PYROXD2: variants seen among roughly 807,000 people sequenced by gnomAD.
PYROXD2 encodes the protein pyridine nucleotide-disulfide oxidoreductase domain-containing protein 2.
In PYROXD2, 69 loss-of-function variants were observed where a neutral mutation model predicts 71.1. The ratio of observed to expected loss-of-function variants is 0.97; its 90% confidence interval spans 0.80 to 1.19. PYROXD2 has a LOEUF of 1.19. Ranked by LOEUF, PYROXD2 falls within the 50% of genes most tolerant of loss-of-function variation. The probability of loss-of-function intolerance (pLI) is 0.00; values close to 1 mark genes in which losing one functional copy is unlikely to be tolerated. For missense variants in PYROXD2, 745 were observed against 748.9 expected (o/e 0.99, Z 0.06); for synonymous variants, 287 against 302.7 (o/e 0.95, Z 0.54).
chr10:98,393,209 C>T (rs1035579408), intron 8 of PYROXD2, 126 bp from the exon 9 acceptor site: 9 of 746,042 alleles, frequency 1.2e-5, no homozygotes, highest in East Asian at 1.1e-4. Flanking sequence ...CCTCTCCCAG[C>T]AGCCTTCAAT....
At chr10:98,404,412 A>G (rs1421729240) in intron 4 of PYROXD2, among the ~76,000 whole-genome samples, 1 of 152,202 alleles carries the variant, frequency 6.6e-6, no homozygotes, top group East Asian at 1.9e-4. Context: ...TGCCCAATTA[A>G]ACTCTATTAA....
intron 4 of PYROXD2, among the ~76,000 whole-genome samples, chr10:98,403,691 C>T (rs905263011): frequency 3.3e-5 from 5 of 152,194 alleles, no homozygotes; most frequent in African/African-American, 1.2e-4. Flanking sequence ...TCAAATGTCA[C>T]CTCCTTGAGG....
chr10:98,406,087 C>T (rs1374603030), intron 4 of PYROXD2, among the ~76,000 whole-genome samples: 1 of 152,158 alleles, frequency 6.6e-6, no homozygotes, highest in Non-Finnish European at 1.5e-5. Context: ...AAACAAGGTG[C>T]TCCAGATGGG....
intron 1 of PYROXD2, among the ~76,000 whole-genome samples, chr10:98,413,587 G>A (rs1044773753): frequency 3.9e-5 from 6 of 151,936 alleles, no homozygotes; most frequent in African/African-American, 1.5e-4. Context: ...GGTGGTGGGC[G>A]CCTGTAGTCC....
intron 1 of PYROXD2, among the ~76,000 whole-genome samples, chr10:98,412,394 G>A (rs1843817101): frequency 1.3e-5 from 2 of 152,162 alleles, no homozygotes; most frequent in Non-Finnish European, 2.9e-5. Context: ...GGGCCCCATA[G>A]CAGGCGCCTG....
intron 8 of PYROXD2, among the ~76,000 whole-genome samples, chr10:98,394,294 C>T (rs1453817413): frequency 5.9e-5 from 9 of 152,140 alleles, no homozygotes; most frequent in Admixed American, 2.0e-4. Context: ...GGGCAGGAGG[C>T]CCCAGCTGGA....
intron 4 of PYROXD2, among the ~76,000 whole-genome samples, chr10:98,400,579 CCAT>C (rs779108909): frequency 1.3e-5 from 2 of 151,862 alleles, no homozygotes; most frequent in Non-Finnish European, 2.9e-5. Context: ...ACCACACACA[CCAT>C]GTCATACCAC....
In PYROXD2 at chr10:98,392,981, G is replaced by C. The variant is rs752123590; in HGVS notation, c.888C>G (p.Ser296Arg). ...GMGALSDAIA[S>R]SATTHGASIF... is the part of the protein sequence containing the mutation. ...TGCTTGCTCCATGTGTGGTGGCTGA[G>C]CTTGCGATCGCATCAGAGAGGGCAC... Residue 296 changes from serine (S) to arginine (R), a missense_variant, in exon 9 of 16, where the codon AGC becomes AGG. By Grantham distance (110) the Ser-to-Arg change is moderately radical. Transcript: ENST00000370575. 1 of 1,613,918 alleles carries C rather than the reference G, an allele frequency of 6.2e-7. No homozygotes were observed. Among genetic ancestry groups the C allele is most frequent in the Non-Finnish European group, 8.5e-7 (1 of 1,179,850 alleles).
At chr10:98,413,776 C>T (rs1464867732) in intron 1 of PYROXD2, among the ~76,000 whole-genome samples, 1 of 151,950 alleles carries the variant, frequency 6.6e-6, no homozygotes, top group African/African-American at 2.4e-5. Flanking sequence ...AAGGTTGGGA[C>T]ATAAATCTTT....
At chr10:98,387,693 C>T (rs1382240963) in intron 13 of PYROXD2, among the ~76,000 whole-genome samples, 10 of 142,860 alleles carry the variant, frequency 7.0e-5, no homozygotes, top group East Asian at 2.1e-4. Flanking sequence ...AGTGCAGTGG[C>T]GCAATCTCAG....
chr10:98,388,553 CGGAG>C (rs765173030), intron 12 of PYROXD2, 45 bp from the exon 13 acceptor site: 1 of 1,480,070 alleles, frequency 6.8e-7, no homozygotes, highest in South Asian at 1.4e-5. Context: ...AGCAGCAGTG[CGGAG>C]GGTAGGGCAT....
At chr10:98,400,032 G>A in intron 5 of PYROXD2, 70 bp downstream of exon 5, 1 of 1,563,402 alleles carries the variant, frequency 6.4e-7, no homozygotes, top group Non-Finnish European at 8.7e-7. Flanking sequence ...ATTGTTCTAG[G>A]ACAATCCAAC....
chr10:98,404,487 G>A (rs951143384), intron 4 of PYROXD2, among the ~76,000 whole-genome samples: 1 of 152,074 alleles, frequency 6.6e-6, no homozygotes, highest in African/African-American at 2.4e-5. Flanking sequence ...GAATGAGAAG[G>A]GGAATGTTAA....
chr10:98,406,847 G>A (rs1041693467), intron 4 of PYROXD2, among the ~76,000 whole-genome samples: 3 of 143,480 alleles, frequency 2.1e-5, no homozygotes, highest in Non-Finnish European at 3.0e-5. Context: ...AGCTGAGATC[G>A]CGCCACCGTA....
chr10:98,413,960 G>A (rs772197065), intron 1 of PYROXD2: 1 of 152,036 alleles, frequency 6.6e-6, no homozygotes, highest in Non-Finnish European at 1.5e-5. Context: ...TAAATTGAGA[G>A]TATTGTATCT....
At chr10:98,407,875 C>G (rs202128802) in intron 3 of PYROXD2, 29 bp downstream of exon 3, 1 of 1,576,116 alleles carries the variant, frequency 6.3e-7, no homozygotes, top group African/African-American at 1.3e-5. Flanking sequence ...TCACTGCCCT[C>G]CACTCCCCCA....
intron 6 of PYROXD2, 61 bp downstream of exon 6, chr10:98,397,284 A>G: frequency 6.7e-7 from 1 of 1,495,798 alleles, no homozygotes; most frequent in Non-Finnish European, 8.9e-7. Flanking sequence ...AGGCATCGAG[A>G]CAATGGGCTC....
At chr10:98,400,825 G>A (rs1321897363) in intron 4 of PYROXD2, among the ~76,000 whole-genome samples, 2 of 152,250 alleles carry the variant, frequency 1.3e-5, no homozygotes, top group South Asian at 4.1e-4. Flanking sequence ...GCATCACAGA[G>A]TGTACCTACA....
intron 1 of PYROXD2, chr10:98,414,424 C>G (rs1843905895): frequency 6.6e-6 from 1 of 152,180 alleles, no homozygotes; most frequent in Non-Finnish European, 1.5e-5. Context: ...CACTGCAGAT[C>G]CCCAAATGTC....
Sources: gnomAD v4.1 joint callset for allele counts (sites outside exome capture counted in the v4.1 genomes callset) on GRCh38, gnomAD v4.1.1 for gene constraint, MANE v1.5 for transcripts, NCBI Gene and HGNC (gene_info 2026-07-23, HGNC 2026-07-21) for gene names.